The following CDH12 variants were observed in gnomAD, a reference collection of about 807,000 sequenced individuals.
CDH12 encodes the protein cadherin 12, also known as cadherin-12.
Under a neutral mutation model 74.1 loss-of-function variants are expected in CDH12, and 41 were observed. The ratio of observed to expected loss-of-function variants is 0.55; its 90% CI spans 0.43 to 0.72. The LOEUF (loss-of-function observed/expected upper bound fraction) is 0.72. Among genes scored for constraint, CDH12 ranks in the 30% least tolerant of loss-of-function variants. The pLI is 0.00. For synonymous variants in CDH12, 399 were observed against 355.0 expected (o/e 1.12, Z -1.39); for missense variants, 945 against 977.2 (o/e 0.97, Z 0.44).
intron 1 of CDH12, among the ~76,000 whole-genome samples, chr5:22,722,111 C>A (rs1743929169): frequency 6.6e-6 from 1 of 152,286 alleles, no homozygotes; most frequent in African/African-American, 2.4e-5. Flanking sequence ...ACCTTTGTGA[C>A]AATTGTAACA....
chr5:22,463,645 G>A (rs2551489), intron 2 of CDH12, among the ~76,000 whole-genome samples: 65,041 of 151,804 alleles, frequency 0.43, 14,393 homozygotes, highest in Admixed American at 0.61. Flanking sequence ...CTCATCTAAA[G>A]TAAAAATAAG....
intron 1 of CDH12, among the ~76,000 whole-genome samples, chr5:22,765,635 G>T (rs1746468810): frequency 6.6e-6 from 1 of 151,852 alleles, no homozygotes; most frequent in Non-Finnish European, 1.5e-5. Flanking sequence ...CACATATCAT[G>T]ATTTTAATGT....
intron 5 of CDH12, among the ~76,000 whole-genome samples, chr5:21,991,127 T>G (rs1032961671): frequency 8.6e-5 from 13 of 151,854 alleles, no homozygotes; most frequent in African/African-American, 1.2e-4. Context: ...TACTTTCGAC[T>G]GCCCATTAGT....
chr5:21,782,110 C>T (rs1032329849), intron 11 of CDH12, among the ~76,000 whole-genome samples: 1 of 152,150 alleles, frequency 6.6e-6, no homozygotes, highest in African/African-American at 2.4e-5. Context: ...AGCTCAAAGA[C>T]AGCATCACTC....
At chr5:21,926,306 C>T (rs1381244192) in intron 6 of CDH12, among the ~76,000 whole-genome samples, 2 of 152,154 alleles carry the variant, frequency 1.3e-5, no homozygotes, top group Non-Finnish European at 2.9e-5. Context: ...ATTGACTTGG[C>T]TTAAATTCTG....
At chr5:22,453,589 T>G (rs1380191832) in intron 2 of CDH12, among the ~76,000 whole-genome samples, 2 of 151,922 alleles carry the variant, frequency 1.3e-5, no homozygotes, top group Non-Finnish European at 2.9e-5. Context: ...GGTAGAGAGG[T>G]AGGCTTATGA....
At chr5:22,288,380 G>A (rs886789729) in intron 3 of CDH12, among the ~76,000 whole-genome samples, 7 of 151,992 alleles carry the variant, frequency 4.6e-5, no homozygotes, top group Admixed American at 3.3e-4. Context: ...CTATATACAT[G>A]CGTATACAGT....
At chr5:21,798,888 G>T (rs1158383740) in intron 10 of CDH12, among the ~76,000 whole-genome samples, 1 of 152,138 alleles carries the variant, frequency 6.6e-6, no homozygotes, top group Non-Finnish European at 1.5e-5. Flanking sequence ...GTACCAAACG[G>T]TGGGGGTGCA....
intron 3 of CDH12, among the ~76,000 whole-genome samples, chr5:22,259,762 T>TAA (rs769620196): frequency 3.3e-5 from 5 of 152,042 alleles, no homozygotes; most frequent in Non-Finnish European, 7.4e-5. Context: ...AATATATTTT[T>TAA]AAAGATATTT....
chr5:21,917,952 C>A (rs1336793699), intron 6 of CDH12, among the ~76,000 whole-genome samples: 1 of 152,140 alleles, frequency 6.6e-6, no homozygotes. Context: ...TAACATCTTA[C>A]TGGTTCCCTC....
intron 2 of CDH12, among the ~76,000 whole-genome samples, chr5:22,455,643 A>G (rs1159798026): frequency 1.3e-5 from 2 of 152,214 alleles, no homozygotes; most frequent in Admixed American, 1.3e-4. Context: ...TGAGACAGAG[A>G]TATAAATCTG....
chr5:22,208,109 C>T (rs1430494904), intron 4 of CDH12, among the ~76,000 whole-genome samples: 1 of 151,964 alleles, frequency 6.6e-6, no homozygotes, highest in Non-Finnish European at 1.5e-5. Context: ...TGGATTTGAA[C>T]CAGGTGGTTG....
At chr5:22,813,676 C>T (rs907239113) in intron 1 of CDH12, among the ~76,000 whole-genome samples, 7 of 152,064 alleles carry the variant, frequency 4.6e-5, no homozygotes, top group African/African-American at 7.2e-5. Flanking sequence ...AAAGTCATCT[C>T]GGGGTGGCTC....
chr5:22,665,471 A>C (rs910682292), intron 1 of CDH12, among the ~76,000 whole-genome samples: 10 of 152,350 alleles, frequency 6.6e-5, no homozygotes, highest in Non-Finnish European at 1.5e-4. Flanking sequence ...GCAGAGAAAG[A>C]AATATCTAAT....
intron 1 of CDH12, among the ~76,000 whole-genome samples, chr5:22,687,483 C>T (rs1741872413): frequency 6.6e-6 from 1 of 152,140 alleles, no homozygotes; most frequent in Admixed American, 6.5e-5. Flanking sequence ...TCTCGTTTCA[C>T]AGCAACCTTA....
At chr5:21,787,642 G>C (rs1478331945) in intron 10 of CDH12, among the ~76,000 whole-genome samples, 2 of 152,108 alleles carry the variant, frequency 1.3e-5, no homozygotes, top group Non-Finnish European at 2.9e-5. Flanking sequence ...TTCTGAACCA[G>C]AAGATGCTTA....
chr5:21,951,428 A>G (rs939536976), intron 6 of CDH12, among the ~76,000 whole-genome samples: 1 of 151,626 alleles, frequency 6.6e-6, no homozygotes, highest in Non-Finnish European at 1.5e-5. Context: ...TTGTACTTTT[A>G]GTAGAGACAG....
At chr5:22,842,395 A>C (rs1737117614) in intron 1 of CDH12, among the ~76,000 whole-genome samples, 1 of 152,160 alleles carries the variant, frequency 6.6e-6, no homozygotes, top group South Asian at 2.1e-4. Context: ...GTCTGAGAGG[A>C]GGGATTTACG....
chr5:22,811,681 T>G (rs1414184764), intron 1 of CDH12, among the ~76,000 whole-genome samples: 1 of 152,142 alleles, frequency 6.6e-6, no homozygotes, highest in African/African-American at 2.4e-5. Flanking sequence ...GGCATGGGGA[T>G]TGGGTAACGA....
Sources: gnomAD v4.1 joint callset for allele counts (sites outside exome capture counted in the v4.1 genomes callset) on GRCh38, gnomAD v4.1.1 for gene constraint, MANE v1.5 for transcripts, NCBI Gene and HGNC (gene_info 2026-07-23, HGNC 2026-07-21) for gene names.